The following MEIS2 variants were observed in gnomAD, a reference collection of about 807,000 sequenced individuals.
The protein encoded by MEIS2 is homeobox protein Meis2.
In MEIS2, 9 loss-of-function variants were observed where a neutral mutation model predicts 58.6. That is an observed-to-expected ratio of 0.15 (90% CI 0.09 to 0.27). The LOEUF is 0.27. Among genes scored for constraint, MEIS2 ranks in the 10% least tolerant of loss-of-function variants. The pLI, the probability that MEIS2 is intolerant of heterozygous loss-of-function variation, is 1.00. For missense variants in MEIS2, 427 were observed against 635.0 expected (o/e 0.67, Z 3.52); for synonymous variants, 221 against 228.4 (o/e 0.97, Z 0.29).
intron 7 of MEIS2, among the ~76,000 whole-genome samples, chr15:37,061,499 AC>A: frequency 6.6e-6 from 1 of 152,318 alleles, no homozygotes; most frequent in South Asian, 2.1e-4. Flanking sequence ...AAATCACCAA[AC>A]TACTAAGATG....
intron 9 of MEIS2, among the ~76,000 whole-genome samples, chr15:36,910,586 A>G (rs971522126): frequency 4.6e-5 from 7 of 152,228 alleles, no homozygotes; most frequent in African/African-American, 1.4e-4. Flanking sequence ...CAACTTAAAA[A>G]TAGGCTTTCT....
chr15:36,929,636 G>A (rs970429902), intron 9 of MEIS2, among the ~76,000 whole-genome samples: 11 of 152,180 alleles, frequency 7.2e-5, no homozygotes, highest in African/African-American at 2.7e-4. Flanking sequence ...AAGGCAGAGG[G>A]TCCGCTTTGT....
chr15:36,946,265 C>A (rs1361156045), intron 9 of MEIS2, among the ~76,000 whole-genome samples: 1 of 151,864 alleles, frequency 6.6e-6, no homozygotes, highest in Non-Finnish European at 1.5e-5. Flanking sequence ...CCTTCTTTGT[C>A]TTTTGTCAAT....
At position 36,943,225 on chromosome 15, in the gene MEIS2, T is replaced by C. The variant is rs1384724320; in HGVS notation, c.977+7099A>G. Among the ~76,000 whole-genome samples, 4 of 152,112 alleles carry C rather than the reference T, an allele frequency of 2.6e-5. No individual in the cohort carries two copies. In the South Asian group the frequency reaches 8.3e-4, roughly 31 times the overall value. On this transcript the variant is annotated intron_variant, in intron 9 of 11. Coordinates refer to ENST00000561208, the MANE Select transcript of MEIS2 (RefSeq NM_170675.5). ...TTAAATCATGCAACCCACTGAAATA[T>C]AGACTTTTGTTTCTGTGTTACTTTG...
chr15:37,000,856 G>C (rs949801603), intron 8 of MEIS2, among the ~76,000 whole-genome samples: 1 of 152,066 alleles, frequency 6.6e-6, no homozygotes, highest in Non-Finnish European at 1.5e-5. Context: ...CCCCTCCCAA[G>C]CTAGGATCCT....
rs986448279 is a variant in MEIS2 at position 36,967,038 on chromosome 15, C to T, written c.901-16638G>A. 3.3e-5 allele frequency among the ~76,000 whole-genome samples: 5 copies of T among 152,196 alleles called. No homozygotes were observed. The South Asian group carries it at 6.2e-4, about 19-fold the overall frequency. On this transcript the variant is annotated intron_variant, in intron 8 of 11. Coordinates refer to ENST00000561208, the MANE Select transcript of MEIS2 (RefSeq NM_170675.5). Reference sequence around the variant, plus strand: ...GTAAGTACTAACATGGTGTCTGGCACATAGTAATTAAGCACATAATAAATA... The same window carrying T: ...GTAAGTACTAACATGGTGTCTGGCATATAGTAATTAAGCACATAATAAATA...
intron 8 of MEIS2, among the ~76,000 whole-genome samples, chr15:36,998,385 T>C (rs1389554884): frequency 5.3e-5 from 8 of 151,718 alleles, no homozygotes; most frequent in Admixed American, 1.3e-4. Flanking sequence ...CACACCAGGC[T>C]AATTCTTTTA....
chr15:37,010,674 C>T (rs535098856), intron 8 of MEIS2, among the ~76,000 whole-genome samples: 10 of 152,302 alleles, frequency 6.6e-5, no homozygotes, highest in Middle Eastern at 6.8e-3. Context: ...CCACGGCACC[C>T]GGCCAAAAGC....
At chr15:36,893,547 T>C (rs762846420) in intron 11 of MEIS2, among the ~76,000 whole-genome samples, 3 of 152,242 alleles carry the variant, frequency 2.0e-5, no homozygotes, top group Non-Finnish European at 4.4e-5. Flanking sequence ...TATACCATAT[T>C]GTGTGGCTGC....
At chr15:36,975,381 A>G (rs1280380487) in intron 8 of MEIS2, among the ~76,000 whole-genome samples, 2 of 151,496 alleles carry the variant, frequency 1.3e-5, no homozygotes, top group African/African-American at 4.9e-5. Context: ...TTTAAATCCC[A>G]TATCTGTGTT....
intron 7 of MEIS2, among the ~76,000 whole-genome samples, chr15:37,076,180 T>A (rs527387529): frequency 1.3e-5 from 2 of 152,070 alleles, no homozygotes; most frequent in Admixed American, 1.3e-4. Context: ...TAAAAAGTGA[T>A]TCTCCTACTA....
chr15:37,067,713 C>T (rs1430427406), intron 7 of MEIS2, among the ~76,000 whole-genome samples: 1 of 152,072 alleles, frequency 6.6e-6, no homozygotes, highest in African/African-American at 2.4e-5. Context: ...TTTCCTGAGA[C>T]TCCTTCTGCT....
chr15:37,037,394 T>A (rs1039409368), intron 7 of MEIS2, among the ~76,000 whole-genome samples: 1 of 152,232 alleles, frequency 6.6e-6, no homozygotes, highest in Admixed American at 6.5e-5. Flanking sequence ...TCACTGTTCG[T>A]TGCACATAAC....
At chr15:36,937,772 A>C (rs1276342776) in intron 9 of MEIS2, among the ~76,000 whole-genome samples, 1 of 152,140 alleles carries the variant, frequency 6.6e-6, no homozygotes, top group Non-Finnish European at 1.5e-5. Flanking sequence ...AGAAACAAAC[A>C]AACAAAAAAA....
chr15:36,941,951 T>C (rs1336965247), intron 9 of MEIS2, among the ~76,000 whole-genome samples: 3 of 152,138 alleles, frequency 2.0e-5, no homozygotes, highest in South Asian at 2.1e-4. Flanking sequence ...CTAAAGGCTT[T>C]AAGGAAGTTT....
At chr15:36,930,957 G>C (rs930430229) in intron 9 of MEIS2, among the ~76,000 whole-genome samples, 12 of 152,236 alleles carry the variant, frequency 7.9e-5, no homozygotes, top group African/African-American at 2.9e-4. Flanking sequence ...TACCTGCCTG[G>C]CAATGGTAGG....
intron 9 of MEIS2, chr15:36,897,154 T>C (rs2056222010): frequency 6.2e-6 from 1 of 161,874 alleles, no homozygotes; most frequent in Admixed American, 5.8e-5. Flanking sequence ...TGTCTGAAGT[T>C]TTATCACCAA....
chr15:36,956,071 C>G (rs926733764), intron 8 of MEIS2, among the ~76,000 whole-genome samples: 1 of 147,082 alleles, frequency 6.8e-6, no homozygotes, highest in Non-Finnish European at 1.5e-5. Context: ...GTGGCGGGCG[C>G]CTGTAGTCCA....
chr15:37,001,140 G>T (rs981180851), intron 8 of MEIS2, among the ~76,000 whole-genome samples: 1 of 152,136 alleles, frequency 6.6e-6, no homozygotes, highest in Non-Finnish European at 1.5e-5. Flanking sequence ...TATACTGGGG[G>T]CTCAGGCTTC....
Sources: gnomAD v4.1 joint callset for allele counts (sites outside exome capture counted in the v4.1 genomes callset) on GRCh38, gnomAD v4.1.1 for gene constraint, MANE v1.5 for transcripts, NCBI Gene and HGNC (gene_info 2026-07-23, HGNC 2026-07-21) for gene names.